The following VPS13C variants were observed in gnomAD, a reference collection of about 807,000 sequenced individuals.
VPS13C encodes the protein intermembrane lipid transfer protein VPS13C.
In VPS13C, 358 loss-of-function variants were observed where a neutral mutation model predicts 456.8. That is an observed-to-expected ratio of 0.78 (90% CI 0.72 to 0.86). The LOEUF is 0.86. Ranked by LOEUF, VPS13C falls within the 40% of genes least tolerant of loss-of-function variation. The pLI is 0.00. For synonymous variants in VPS13C, 1,578 were observed against 1,486.7 expected (o/e 1.06, Z -1.41); for missense variants, 4,818 against 4,385.4 (o/e 1.10, Z -2.79).
chr15:61,965,122 A>G (rs1048003314), intron 30 of VPS13C, among the ~76,000 whole-genome samples: 1 of 151,980 alleles, frequency 6.6e-6, no homozygotes. Flanking sequence ...TATGAAGTCT[A>G]TACTCTGCTT....
intron 37 of VPS13C, among the ~76,000 whole-genome samples, chr15:61,957,218 G>C (rs1193272368): frequency 1.3e-5 from 2 of 152,096 alleles, no homozygotes; most frequent in African/African-American, 4.8e-5. Flanking sequence ...AATTCTGTAT[G>C]ATTCCATGTA....
intron 16 of VPS13C, among the ~76,000 whole-genome samples, chr15:61,992,237 A>T (rs2046245236): frequency 6.6e-6 from 1 of 152,204 alleles, no homozygotes; most frequent in South Asian, 2.1e-4. Context: ...GCTAACTAGG[A>T]CAGTGGCAGA....
At chr15:61,893,092 TC>T (rs1453671613) in intron 66 of VPS13C, among the ~76,000 whole-genome samples, 1 of 152,058 alleles carries the variant, frequency 6.6e-6, no homozygotes, top group East Asian at 1.9e-4. Flanking sequence ...GAAAATACTT[TC>T]CCTATTGGAG....
chr15:61,962,941 CT>C, intron 32 of VPS13C, 89 bp from the exon 33 acceptor site: 2 of 965,210 alleles, frequency 2.1e-6, no homozygotes, highest in Non-Finnish European at 1.4e-6. Flanking sequence ...TTTGGGGTGA[CT>C]TTTTTAAATT....
At chr15:61,898,049 T>C (rs2042884067) in intron 66 of VPS13C, among the ~76,000 whole-genome samples, 1 of 151,844 alleles carries the variant, frequency 6.6e-6, no homozygotes, top group African/African-American at 2.4e-5. Context: ...GACAAGCAAA[T>C]GCTGAGAGAT....
Position 61,854,851 on chromosome 15 carries a change from A to G in VPS13C, c.11160+20T>C. ...TATTTCAGCTAAAAAAAATTGAGGC[A>G]TGCTCTTTAAATTGTTTACCTCTGC... On this transcript the variant is annotated intron_variant, in intron 84 of 84. Transcript: ENST00000644861. 2 of 1,590,372 alleles carry G rather than the reference A, an allele frequency of 1.3e-6. No homozygotes were observed. The highest frequency in any genetic ancestry group is 1.7e-6 in the Non-Finnish European group (2 of 1,173,196).
chr15:61,915,578 A>T, intron 61 of VPS13C, 55 bp downstream of exon 61: 1 of 1,496,368 alleles, frequency 6.7e-7, no homozygotes. Flanking sequence ...ATGACTCCCA[A>T]GTTTCTAGAT....
At chr15:61,908,621 G>C (rs954920476) in intron 65 of VPS13C, among the ~76,000 whole-genome samples, 1 of 152,206 alleles carries the variant, frequency 6.6e-6, no homozygotes, top group African/African-American at 2.4e-5. Context: ...TACCAGGAAA[G>C]GGAATACTTA....
intron 18 of VPS13C, among the ~76,000 whole-genome samples, chr15:61,988,653 C>A (rs146823319): frequency 1.7e-4 from 26 of 152,112 alleles, no homozygotes; most frequent in African/African-American, 6.3e-4. Context: ...ATAAAGAACA[C>A]GAGAGTTTAA....
intron 66 of VPS13C, among the ~76,000 whole-genome samples, chr15:61,900,928 CA>C (rs772583605): frequency 6.6e-6 from 1 of 151,930 alleles, no homozygotes; most frequent in Non-Finnish European, 1.5e-5. Context: ...ATCAATGGAA[CA>C]GAACGGAGCC....
intron 13 of VPS13C, among the ~76,000 whole-genome samples, chr15:62,009,157 A>AGGG (rs1180955988): frequency 3.9e-5 from 6 of 152,062 alleles, no homozygotes; most frequent in Non-Finnish European, 7.4e-5. Flanking sequence ...AAGACTATAT[A>AGGG]TTTTTCCTCT....
chr15:61,962,639 T>G, intron 33 of VPS13C, 101 bp from the exon 34 acceptor site: 2 of 1,333,804 alleles, frequency 1.5e-6, no homozygotes, highest in Non-Finnish European at 2.0e-6. Flanking sequence ...ATAAAAAAAT[T>G]TTTCTATTGA....
In VPS13C at chr15:61,977,148, AATATATGC is replaced by A. The variant is rs1567066059; in HGVS notation, c.2334_2341del (p.Met778IlefsTer9). ...CTCAACATGAATATCCATGGGTTGC[AATATATGC>A]ATAGTTGATGGATGCTGAAATCGAC... is the stretch of plus-strand genomic sequence containing the variant. On this transcript the variant is annotated frameshift_variant, in exon 24 of 85. Coordinates refer to ENST00000644861, the MANE Select transcript of VPS13C (RefSeq NM_020821.3). LOFTEE classifies it high-confidence loss of function. The A allele has an allele frequency of 2.5e-6, 4 of 1,598,356 alleles. No homozygotes were observed. In the Admixed American group the frequency reaches 5.2e-5, roughly 21 times the overall value.
chr15:61,946,618 C>T (rs1187349653), intron 43 of VPS13C, among the ~76,000 whole-genome samples: 1 of 149,678 alleles, frequency 6.7e-6, no homozygotes, highest in Non-Finnish European at 1.5e-5. Flanking sequence ...ACAGGCATCT[C>T]CTCCAAAAAA....
intron 5 of VPS13C, among the ~76,000 whole-genome samples, chr15:62,029,723 G>A (rs957850693): frequency 2.6e-5 from 4 of 151,996 alleles, no homozygotes; most frequent in African/African-American, 9.7e-5. Context: ...TCAACAATGT[G>A]TAGACTGGCA....
intron 6 of VPS13C, among the ~76,000 whole-genome samples, chr15:62,025,003 C>T (rs1406668391): frequency 6.6e-6 from 1 of 152,088 alleles, no homozygotes; most frequent in Non-Finnish European, 1.5e-5. Context: ...CTGTACCTTA[C>T]ACAGAATTGC....
chr15:61,994,203 C>G (rs1026353201), intron 16 of VPS13C, among the ~76,000 whole-genome samples: 2 of 152,124 alleles, frequency 1.3e-5, no homozygotes, highest in African/African-American at 4.8e-5. Flanking sequence ...ATCAAATTGC[C>G]TTCTCTTCTA....
In VPS13C at chr15:61,937,947, C is replaced by CA. The variant is rs776885279; in HGVS notation, c.5602-1198dup. On this transcript the variant is annotated intron_variant, in intron 47 of 84. Transcript: ENST00000644861. ...TCCAAAGGCCTGTTTCAAGTACTTA[C>CA]AAATTCACACAAGCATGCATGCAAG... Among the ~76,000 whole-genome samples, 9 of 152,274 alleles carry CA rather than the reference C, an allele frequency of 5.9e-5. No homozygotes were observed. The East Asian group carries it at 1.2e-3, about 20-fold the overall frequency.
Position 61,884,200 on chromosome 15 carries a change from T to A in VPS13C, c.9411A>T (p.Leu3137Phe). ...WKPFSQKQIILLEQSYQKHQI... is the reference protein window; with the variant it reads ...WKPFSQKQIIFLEQSYQKHQI... ...GATGTTTCTGATAGGATTGTTCCAATAAGATTATCTGCTTTTGACTAAATG... is the reference window on the plus strand; with the variant it reads ...GATGTTTCTGATAGGATTGTTCCAAAAAGATTATCTGCTTTTGACTAAATG... The change falls in exon 68 of 85, where the codon TTA (leucine) becomes TTT (phenylalanine). Residue 3137 changes from leucine (L) to phenylalanine (F), a missense_variant. By Grantham distance (22) the Leu-to-Phe change is conservative. Coordinates refer to ENST00000644861, the MANE Select transcript of VPS13C (RefSeq NM_020821.3). 1 of 1,611,070 alleles carries A rather than the reference T, an allele frequency of 6.2e-7. No homozygotes were observed. The highest frequency in any genetic ancestry group is 8.5e-7 in the Non-Finnish European group (1 of 1,178,834).
Sources: allele counts gnomAD v4.1 joint callset (sites outside exome capture counted in the v4.1 genomes callset), GRCh38; gene constraint gnomAD v4.1.1; transcripts MANE v1.5; gene names NCBI Gene and HGNC (gene_info 2026-07-23, HGNC 2026-07-21).